Variants in SEMA3A observed in about 807,000 individuals in gnomAD.
SEMA3A encodes the protein semaphorin 3A.
A neutral mutation model predicts 97.9 loss-of-function variants in SEMA3A; 29 were observed. The observed-to-expected ratio is 0.30, with a 90% CI of 0.22 to 0.40. SEMA3A has a LOEUF of 0.40. Among genes scored for constraint, SEMA3A ranks in the 10% least tolerant of loss-of-function variants. The pLI, the probability that SEMA3A is intolerant of heterozygous loss-of-function variation, is 1.00. For synonymous variants in SEMA3A, 321 were observed against 323.7 expected (o/e 0.99, Z 0.09); for missense variants, 763 against 951.3 (o/e 0.80, Z 2.60).
At chr7:84,259,830 A>C (rs1799805898) in intron 3 of SEMA3A, among the ~76,000 whole-genome samples, 1 of 151,880 alleles carries the variant, frequency 6.6e-6, no homozygotes, top group African/African-American at 2.4e-5. Context: ...AAAAAAAAGA[A>C]AAGAAAGGAA....
intron 3 of SEMA3A, among the ~76,000 whole-genome samples, chr7:84,261,243 ACTCAATAACACTCCT>A (rs1799850081): frequency 6.6e-6 from 1 of 151,986 alleles, no homozygotes; most frequent in South Asian, 2.1e-4. Context: ...CTGTCCTGTC[ACTCAATAACACTCCT>A]CTCTACCTGG....
At chr7:84,187,530 C>G in intron 1 of SEMA3A, among the ~76,000 whole-genome samples, 1 of 152,002 alleles carries the variant, frequency 6.6e-6, no homozygotes, top group Non-Finnish European at 1.5e-5. Context: ...TGATTCAGTT[C>G]TGGAATAGGT....
At chr7:83,987,040 T>C in intron 12 of SEMA3A, among the ~76,000 whole-genome samples, 1 of 151,374 alleles carries the variant, frequency 6.6e-6, no homozygotes, top group East Asian at 1.9e-4. Flanking sequence ...CTTTAATTTT[T>C]CTCTTTAGTT....
chr7:84,196,391 C>T (rs1798232855), upstream of SEMA3A, among the ~76,000 whole-genome samples: 3 of 150,800 alleles, frequency 2.0e-5, no homozygotes, highest in Admixed American at 2.0e-4. Flanking sequence ...CTGTCTCTCC[C>T]TCTCTGCCGT....
At chr7:84,370,942 C>A (rs1802958587) in intron 2 of SEMA3A, among the ~76,000 whole-genome samples, 1 of 150,332 alleles carries the variant, frequency 6.7e-6, no homozygotes, top group African/African-American at 2.4e-5. Context: ...AGTTGAGTAT[C>A]TAGTATACCA....
At chr7:83,969,687 G>A (rs972280220) in intron 15 of SEMA3A, among the ~76,000 whole-genome samples, 14 of 152,152 alleles carry the variant, frequency 9.2e-5, no homozygotes, top group Middle Eastern at 3.2e-3. Context: ...AACTGCTGGA[G>A]GATGTAAGCA....
intron 3 of SEMA3A, among the ~76,000 whole-genome samples, chr7:84,120,856 G>T (rs1795589545): frequency 1.3e-5 from 2 of 152,144 alleles, no homozygotes; most frequent in Admixed American, 6.6e-5. Context: ...AGGGTTCAGA[G>T]GTAAAGGACT....
chr7:83,964,716 C>T (rs1416407419), intron 15 of SEMA3A, among the ~76,000 whole-genome samples: 1 of 152,096 alleles, frequency 6.6e-6, no homozygotes. Context: ...TTGAAAAGAT[C>T]AATGCCCTGG....
rs147163967 is a variant in SEMA3A, at chr7:83,970,556, A to T, written c.1717+6576T>A. ...TTGATGTTATGTAGAGAAGACAGAG[A>T]TGGATGAGGTTGTGAACCATATTCA... On this transcript the variant is annotated intron_variant, in intron 15 of 16. Coordinates refer to ENST00000265362, the MANE Select transcript of SEMA3A (RefSeq NM_006080.3). Among the ~76,000 whole-genome samples the T allele has an allele frequency of 4.6e-5, 7 of 152,322 alleles. No individual in the cohort carries two copies. The East Asian group carries it at 1.4e-3, about 29-fold the overall frequency.
At chr7:84,010,951 G>A in intron 9 of SEMA3A, 71 bp downstream of exon 9, 1 of 1,169,728 alleles carries the variant, frequency 8.5e-7, no homozygotes, top group African/African-American at 1.5e-5. Context: ...ATATACTTTT[G>A]CAAATTATGA....
At chr7:84,314,716 A>G (rs950602473) in intron 2 of SEMA3A, among the ~76,000 whole-genome samples, 2 of 152,232 alleles carry the variant, frequency 1.3e-5, no homozygotes, top group Admixed American at 1.3e-4. Flanking sequence ...CATATAGAAG[A>G]TAGCATATCA....
intron 1 of SEMA3A, among the ~76,000 whole-genome samples, chr7:84,406,028 A>G (rs1412999687): frequency 6.6e-6 from 1 of 152,184 alleles, no homozygotes. Context: ...AGCTAGCAGA[A>G]GGCGAGAAAT....
At chr7:84,419,138 T>C (rs1804519056) in intron 1 of SEMA3A, among the ~76,000 whole-genome samples, 1 of 152,092 alleles carries the variant, frequency 6.6e-6, no homozygotes, top group African/African-American at 2.4e-5. Flanking sequence ...AAATGATGTG[T>C]GTCACCCTCA....
chr7:84,414,129 A>G (rs1027385492), intron 1 of SEMA3A, among the ~76,000 whole-genome samples: 1 of 152,166 alleles, frequency 6.6e-6, no homozygotes, highest in Non-Finnish European at 1.5e-5. Flanking sequence ...CAGTTTAAAA[A>G]GTAAATTATA....
chr7:84,033,719 GT>G (rs988641800), intron 6 of SEMA3A, among the ~76,000 whole-genome samples: 1 of 152,088 alleles, frequency 6.6e-6, no homozygotes, highest in Non-Finnish European at 1.5e-5. Flanking sequence ...TACTTTGGTA[GT>G]TTAGTTGAGT....
rs547490642 is a variant in SEMA3A, at chr7:84,127,063, C to T, written c.333+2060G>A. The stretch of plus-strand genomic sequence containing the variant: ...TTACATAACCAGAAAAACATTTGCT[C>T]TACTATGAAGGTGTAAAGGGACTTT... On this transcript the variant is annotated intron_variant, in intron 3 of 16. Transcript: ENST00000265362. Among the ~76,000 whole-genome samples the T allele has an allele frequency of 3.2e-4, 48 of 151,706 alleles. 1 individual carries two copies. The South Asian group carries it at 1.0e-2, about 32-fold the overall frequency.
chr7:84,155,766 A>AT (rs1796828392), intron 1 of SEMA3A, among the ~76,000 whole-genome samples: 1 of 152,058 alleles, frequency 6.6e-6, no homozygotes, highest in African/African-American at 2.4e-5. Context: ...TATGTTAATA[A>AT]TTTTTTCCTT....
chr7:84,072,406 C>T (rs1793773313), intron 4 of SEMA3A, among the ~76,000 whole-genome samples: 1 of 151,722 alleles, frequency 6.6e-6, no homozygotes, highest in Non-Finnish European at 1.5e-5. Context: ...TGTTTTTTTC[C>T]TGACTGTTTT....
intron 1 of SEMA3A, among the ~76,000 whole-genome samples, chr7:84,461,199 T>TA (rs1805830564): frequency 6.6e-6 from 1 of 152,128 alleles, no homozygotes; most frequent in Admixed American, 6.5e-5. Flanking sequence ...AATTGTCGAT[T>TA]AAATATGTTG....
Sources: gnomAD v4.1 joint callset for allele counts (sites outside exome capture counted in the v4.1 genomes callset) on GRCh38, gnomAD v4.1.1 for gene constraint, MANE v1.5 for transcripts, NCBI Gene and HGNC (gene_info 2026-07-23, HGNC 2026-07-21) for gene names.